The following GRK4 variants were observed in gnomAD, a reference collection of about 807,000 sequenced individuals.
GRK4 encodes G protein-coupled receptor kinase 2-like.
In GRK4, 73 loss-of-function variants were observed where a neutral mutation model predicts 77.9. The observed-to-expected ratio is 0.94, with a 90% confidence interval of 0.78 to 1.14. The LOEUF (loss-of-function observed/expected upper bound fraction) is 1.14, where lower values mean the gene tolerates loss of function less well. Among genes scored for constraint, GRK4 ranks in the 50% most tolerant of loss-of-function variants. The pLI is 0.00. For synonymous variants in GRK4, 257 were observed against 254.4 expected (o/e 1.01, Z -0.10); for missense variants, 729 against 700.2 (o/e 1.04, Z -0.46).
At chr4:2,988,493 C>A (rs955036824) in intron 2 of GRK4, among the ~76,000 whole-genome samples, 1 of 152,092 alleles carries the variant, frequency 6.6e-6, no homozygotes, top group South Asian at 2.1e-4. Context: ...ATCGCCTGAA[C>A]CCGGGAGGCA....
intron 1 of GRK4, among the ~76,000 whole-genome samples, chr4:2,980,573 G>T (rs1002194506): frequency 1.3e-5 from 2 of 151,696 alleles, no homozygotes; most frequent in Non-Finnish European, 1.5e-5. Context: ...GGACTCACTG[G>T]AAGCCTTGTC....
At chr4:3,009,366 G>A (rs978498718) in intron 6 of GRK4, among the ~76,000 whole-genome samples, 5 of 149,952 alleles carry the variant, frequency 3.3e-5, no homozygotes, top group Non-Finnish European at 7.4e-5. Context: ...AGGTTGCAGT[G>A]AGCCTAGATC....
At chr4:2,988,549 C>T (rs1008710729) in intron 2 of GRK4, among the ~76,000 whole-genome samples, 178 bp from the exon 3 acceptor site, 20 of 146,466 alleles carry the variant, frequency 1.4e-4, no homozygotes, top group African/African-American at 2.3e-4. Context: ...CCAGCCTGGG[C>T]GACAGAGGAG....
chr4:2,991,914 C>T (rs1376060545), intron 3 of GRK4, among the ~76,000 whole-genome samples: 1 of 152,126 alleles, frequency 6.6e-6, no homozygotes, highest in Non-Finnish European at 1.5e-5. Flanking sequence ...TGACTTCTTC[C>T]GCCTCATACA....
intron 4 of GRK4, among the ~76,000 whole-genome samples, chr4:2,998,099 T>C (rs952072366): frequency 2.0e-5 from 3 of 151,922 alleles, no homozygotes; most frequent in Non-Finnish European, 4.4e-5. Context: ...GGCTCATACC[T>C]GTGATCCAGC....
intron 12 of GRK4, among the ~76,000 whole-genome samples, chr4:3,035,102 G>A (rs1360188086): frequency 2.0e-5 from 3 of 152,194 alleles, no homozygotes; most frequent in Non-Finnish European, 4.4e-5. Flanking sequence ...AAAATTAGCT[G>A]GGCACGGTGG....
intron 8 of GRK4, among the ~76,000 whole-genome samples, chr4:3,016,736 AC>A (rs1366252789): frequency 3.9e-5 from 6 of 151,972 alleles, no homozygotes; most frequent in African/African-American, 1.2e-4. Context: ...ATACAAAAAA[AC>A]AAAACAAAAA....
At chr4:3,012,252 A>G (rs1733118674) in intron 7 of GRK4, among the ~76,000 whole-genome samples, 1 of 152,254 alleles carries the variant, frequency 6.6e-6, no homozygotes, top group Non-Finnish European at 1.5e-5. Flanking sequence ...GTCACATTTT[A>G]GGAAAACATT....
chr4:2,974,078 G>C (rs565693713), intron 1 of GRK4, among the ~76,000 whole-genome samples: 1 of 152,094 alleles, frequency 6.6e-6, no homozygotes, highest in East Asian at 1.9e-4. Context: ...TCGGACTCCC[G>C]GGCTCAAGCG....
chr4:2,978,793 A>T (rs1413477208), intron 1 of GRK4, among the ~76,000 whole-genome samples: 1 of 151,972 alleles, frequency 6.6e-6, no homozygotes, highest in Non-Finnish European at 1.5e-5. Flanking sequence ...AAAGCTTTTT[A>T]AAAAAATAGC....
chr4:2,984,172 G>GT (rs1723597765), intron 1 of GRK4, among the ~76,000 whole-genome samples: 1 of 152,236 alleles, frequency 6.6e-6, no homozygotes, highest in South Asian at 2.1e-4. Context: ...TGCTTTGAAG[G>GT]TTTTTGGTAC....
chr4:2,996,353 G>C (rs377762282), intron 4 of GRK4, among the ~76,000 whole-genome samples: 8 of 152,018 alleles, frequency 5.3e-5, no homozygotes, highest in Admixed American at 3.9e-4. Context: ...TCAGAAGTTC[G>C]AGACCATCCT....
At chr4:3,022,758 C>T (rs1050462831) in intron 10 of GRK4, among the ~76,000 whole-genome samples, 4 of 152,072 alleles carry the variant, frequency 2.6e-5, no homozygotes, top group Admixed American at 2.6e-4. Context: ...GTAATCATAG[C>T]TCACTGCAGC....
At chr4:3,026,864 G>A (rs2110031429) in intron 10 of GRK4, among the ~76,000 whole-genome samples, 1 of 152,288 alleles carries the variant, frequency 6.6e-6, no homozygotes, top group East Asian at 1.9e-4. Context: ...CATATTTTTA[G>A]TTTTTAGCAA....
chr4:3,033,244 G>T (rs577239792), intron 12 of GRK4, among the ~76,000 whole-genome samples: 1 of 152,258 alleles, frequency 6.6e-6, no homozygotes, highest in South Asian at 2.1e-4. Context: ...AGAAAGAAAA[G>T]AAAAGAAAGA....
At chr4:2,975,537 A>G (rs538193515) in intron 1 of GRK4, among the ~76,000 whole-genome samples, 3 of 152,246 alleles carry the variant, frequency 2.0e-5, no homozygotes, top group Non-Finnish European at 2.9e-5. Flanking sequence ...GGTGGGGAAC[A>G]TTCCTTGATT....
In GRK4 at chr4:2,979,480, G is replaced by T. The variant is rs184104291; in HGVS notation, c.53-5033G>T. Among the ~76,000 whole-genome samples the T allele has an allele frequency of 1.2e-3, 179 of 151,590 alleles. 3 individuals carry two copies. In the Middle Eastern group the frequency reaches 0.027, roughly 23 times the overall value. On this transcript the variant is annotated intron_variant, in intron 1 of 15. Coordinates refer to ENST00000398052, the MANE Select transcript of GRK4 (RefSeq NM_182982.3). ...GTAATCCCAGCACTTTGGGGAGGCC[G>T]AGGCGGGCGGATCACCTGAGGTCAG...
At chr4:2,996,280 C>G (rs752331693) in intron 4 of GRK4, among the ~76,000 whole-genome samples, 1 of 152,024 alleles carries the variant, frequency 6.6e-6, no homozygotes, top group Non-Finnish European at 1.5e-5. Flanking sequence ...TTAGGCCGGG[C>G]GCGGTGGCTC....
chr4:3,012,895 G>A (rs554022533), intron 7 of GRK4, among the ~76,000 whole-genome samples: 13 of 152,092 alleles, frequency 8.5e-5, no homozygotes, highest in Admixed American at 4.6e-4. Flanking sequence ...TAATCCTAGC[G>A]CTTTGGAAGG....
Sources: gnomAD v4.1 joint callset for allele counts (sites outside exome capture counted in the v4.1 genomes callset) on GRCh38, gnomAD v4.1.1 for gene constraint, MANE v1.5 for transcripts, NCBI Gene and HGNC (gene_info 2026-07-23, HGNC 2026-07-21) for gene names.